The following PRRC1 variants were observed in gnomAD, a reference collection of about 807,000 sequenced individuals.
PRRC1 encodes the protein proline rich coiled-coil 1.
PRRC1 carries 39 observed loss-of-function variants against 40.7 expected under a neutral mutation model. The observed-to-expected ratio is 0.96, with a 90% CI of 0.74 to 1.25. The LOEUF (loss-of-function observed/expected upper bound fraction) is 1.25. Ranked by LOEUF, PRRC1 falls within the 50% of genes most tolerant of loss-of-function variation. The pLI is 0.00. For missense variants in PRRC1, 573 were observed against 548.3 expected (o/e 1.05, Z -0.45); for synonymous variants, 175 against 193.3 (o/e 0.91, Z 0.79).
At position 127,523,576 on chromosome 5, in the gene PRRC1, C is replaced by G; in HGVS notation, c.97C>G (p.Pro33Ala). 6.3e-7 allele frequency: 1 copy of G among 1,598,782 alleles called. No homozygotes were observed. The highest frequency in any genetic ancestry group is 8.5e-7 in the Non-Finnish European group (1 of 1,171,130). Residue 33 changes from proline to alanine, a missense_variant, in exon 2 of 9, where the codon CCA (proline) becomes GCA (alanine). Pro to Ala is a conservative substitution (Grantham distance 27). Coordinates refer to ENST00000296666, the MANE Select transcript of PRRC1 (RefSeq NM_130809.5). ...TACTGCTATGTCTTCTACCCCTGTT[C>G]CATTAGGTACATGTAGTTGTCTAAC... ...AATAMSSTPV[P>A]LAATSSFSSP...
At position 127,553,432 on chromosome 5, in the gene PRRC1, A is replaced by C. The variant is rs1405613612; in HGVS notation, c.*1516A>C. 9.1e-7 allele frequency: 1 copy of C among 1,095,870 alleles called. No individual in the cohort carries two copies. The highest frequency in any genetic ancestry group is 1.7e-5 in the African/African-American group (1 of 58,548). 67.9% of individuals were successfully genotyped at this position (1,095,870 alleles called of 1,614,324 possible). ...TCATGAGAGACAGCACAGAGAGGTT[A>C]TAGGTTGCCTTGGTGTACTTTTGTC... On this transcript the variant is annotated 3_prime_UTR_variant, in exon 9 of 9. Transcript: ENST00000296666.
chr5:127,531,321 C>G (rs1229478484), intron 5 of PRRC1, among the ~76,000 whole-genome samples: 1 of 152,154 alleles, frequency 6.6e-6, no homozygotes, highest in Non-Finnish European at 1.5e-5. Flanking sequence ...AACTCATGCT[C>G]AATTTTTTTA....
chr5:127,547,579 C>T (rs544124948), intron 7 of PRRC1, among the ~76,000 whole-genome samples: 2 of 152,082 alleles, frequency 1.3e-5, no homozygotes, highest in South Asian at 4.1e-4. Context: ...GGAAGCTTTC[C>T]ATGATAAGTA....
At chr5:127,544,012 T>G (rs1269812359) in intron 7 of PRRC1, among the ~76,000 whole-genome samples, 1 of 152,130 alleles carries the variant, frequency 6.6e-6, no homozygotes. Flanking sequence ...TTTTATCTAC[T>G]TTTGGTCTTT....
At chr5:127,534,403 C>T (rs955967317) in intron 6 of PRRC1, among the ~76,000 whole-genome samples, 4 of 152,174 alleles carry the variant, frequency 2.6e-5, no homozygotes, top group African/African-American at 7.2e-5. Flanking sequence ...TTCTCATATC[C>T]TTTTCACATT....
At chr5:127,544,136 C>A (rs1413200707) in intron 7 of PRRC1, among the ~76,000 whole-genome samples, 1 of 152,206 alleles carries the variant, frequency 6.6e-6, no homozygotes, top group East Asian at 1.9e-4. Flanking sequence ...GCTAGAGGTC[C>A]ACTCCAGACC....
At chr5:127,518,302 A>G (rs773949327) in intron 1 of PRRC1, among the ~76,000 whole-genome samples, 2 of 152,198 alleles carry the variant, frequency 1.3e-5, no homozygotes, top group African/African-American at 2.4e-5. Flanking sequence ...AAGGAAGCTT[A>G]TTTTCCCTGA....
intron 5 of PRRC1, among the ~76,000 whole-genome samples, chr5:127,532,428 A>T (rs945656802): frequency 6.6e-6 from 1 of 152,144 alleles, no homozygotes; most frequent in Non-Finnish European, 1.5e-5. Context: ...TTTTTACACA[A>T]ATATTCTAGA....
chr5:127,522,227 T>C (rs1289722107), intron 1 of PRRC1, among the ~76,000 whole-genome samples: 1 of 152,266 alleles, frequency 6.6e-6, no homozygotes, highest in African/African-American at 2.4e-5. Flanking sequence ...AGTTTTCTCA[T>C]ATTTTATAAT....
At chr5:127,519,037 ATTAT>A (rs1035531154) in intron 1 of PRRC1, among the ~76,000 whole-genome samples, 3 of 152,184 alleles carry the variant, frequency 2.0e-5, no homozygotes, top group Non-Finnish European at 4.4e-5. Context: ...AAAGAAATTG[ATTAT>A]TTATTCCACT....
At chr5:127,548,953 C>T (rs77953460) in intron 8 of PRRC1, 1 of 152,078 alleles carries the variant, frequency 6.6e-6, no homozygotes, top group Non-Finnish European at 1.5e-5. Context: ...TAAGTGAATA[C>T]TATGCATACT....
Position 127,525,652 on chromosome 5 carries a change from G to A in PRRC1, c.493+732G>A, listed in dbSNP as rs184553540. Among the ~76,000 whole-genome samples, 32 of 152,166 alleles carry A rather than the reference G, an allele frequency of 2.1e-4. No individual in the cohort carries two copies. The East Asian group carries it at 5.2e-3, about 25-fold the overall frequency. On this transcript the variant is annotated intron_variant, in intron 3 of 8. Transcript: ENST00000296666. ...GGGGTCCCACTTTCTCTGCATTAAT[G>A]TTCTTCTCTTTATTCATTTCTTTGG...
rs1252596941 is a variant in PRRC1, at chr5:127,539,092, A to C, written c.974A>C (p.Lys325Thr). ...CGTCGAACTGGGGTGATCCATGAAA[A>C]ACAGACAGCTGTGTCAGTAGAAAAC... ...SLRRTGVIHEKQTAVSVENFI... is the reference protein window; with the variant it reads ...SLRRTGVIHETQTAVSVENFI... The change falls in exon 7 of 9, where the codon AAA becomes ACA. Residue 325 changes from lysine to threonine, a missense_variant. By Grantham distance (78) the Lys-to-Thr change is moderately conservative. Transcript: ENST00000296666. 7 of 1,613,046 alleles carry C rather than the reference A, an allele frequency of 4.3e-6. No homozygotes were observed. The highest frequency in any genetic ancestry group is 5.1e-6 in the Non-Finnish European group (6 of 1,179,120).
intron 8 of PRRC1, 108 bp downstream of exon 8, chr5:127,548,029 G>A: frequency 1.3e-6 from 1 of 793,882 alleles, no homozygotes; most frequent in Non-Finnish European, 2.2e-6. Context: ...TCTTGATTTT[G>A]TTTCAGTCAT....
chr5:127,544,993 G>T (rs1388948763), intron 7 of PRRC1, among the ~76,000 whole-genome samples: 5 of 152,232 alleles, frequency 3.3e-5, no homozygotes, highest in Non-Finnish European at 7.3e-5. Flanking sequence ...GGGAGCTGTA[G>T]ACAGGAGCTG....
At chr5:127,548,741 G>C (rs1366688340) in intron 8 of PRRC1, 1 of 152,004 alleles carries the variant, frequency 6.6e-6, no homozygotes, top group Non-Finnish European at 1.5e-5. Flanking sequence ...TAGAACTTTG[G>C]CATATGTGTT....
intron 8 of PRRC1, chr5:127,549,028 C>A (rs1446415879): frequency 6.6e-6 from 1 of 151,738 alleles, no homozygotes; most frequent in Non-Finnish European, 1.5e-5. Flanking sequence ...AGAAGTTTTG[C>A]CATAGTTAAG....
intron 7 of PRRC1, among the ~76,000 whole-genome samples, chr5:127,540,314 C>G (rs1768007083): frequency 6.6e-6 from 1 of 151,940 alleles, no homozygotes; most frequent in Non-Finnish European, 1.5e-5. Flanking sequence ...AAAATTATAA[C>G]TTGTGATAAT....
rs753950329 is a variant in PRRC1, at chr5:127,524,567, C to T, written c.140C>T (p.Ser47Phe). Residue 47 changes from serine to phenylalanine, a missense_variant, in exon 3 of 9, where the codon TCC (serine) becomes TTC (phenylalanine). Coordinates refer to ENST00000296666, the MANE Select transcript of PRRC1 (RefSeq NM_130809.5). ...TCTTTTTCTTCTCCAAATGTATCCT[C>T]CATGGAGTCCTTCCCACCACTCGCA... ...TSSFSSPNVS[S>F]MESFPPLAYS... 1 of 1,613,796 alleles carries T rather than the reference C, an allele frequency of 6.2e-7. No homozygotes were observed. Among genetic ancestry groups the T allele is most frequent in the South Asian group, 1.1e-5 (1 of 91,058 alleles).
Sources: allele counts gnomAD v4.1 joint callset (sites outside exome capture counted in the v4.1 genomes callset), GRCh38; gene constraint gnomAD v4.1.1; transcripts MANE v1.5; gene names NCBI Gene and HGNC (gene_info 2026-07-23, HGNC 2026-07-21).